SNAP91: variants seen among roughly 807,000 people sequenced by gnomAD.
SNAP91 encodes the protein clathrin coat assembly protein AP180.
A neutral mutation model predicts 100.3 loss-of-function variants in SNAP91; 27 were observed. The observed-to-expected ratio is 0.27, with a 90% CI of 0.20 to 0.37. SNAP91 has a LOEUF of 0.37. Among genes scored for constraint, SNAP91 ranks in the 10% least tolerant of loss-of-function variants. The probability of loss-of-function intolerance (pLI) is 1.00; values close to 1 mark genes in which losing one functional copy is unlikely to be tolerated. For missense variants in SNAP91, 986 were observed against 1,123.7 expected (o/e 0.88, Z 1.75); for synonymous variants, 404 against 398.6 (o/e 1.01, Z -0.16).
At chr6:83,584,358 A>T (rs2091912289) in intron 22 of SNAP91, among the ~76,000 whole-genome samples, 2 of 152,224 alleles carry the variant, frequency 1.3e-5, no homozygotes, top group South Asian at 4.1e-4. Flanking sequence ...TCTCATGGCT[A>T]GAAGAAATGA....
In SNAP91 at chr6:83,641,080, A is replaced by T. The variant is rs773017497; in HGVS notation, c.765+16T>A. 2.4e-5 allele frequency: 32 copies of T among 1,343,530 alleles called. No individual in the cohort carries two copies. The East Asian group carries it at 8.1e-4, about 34-fold the overall frequency. The allele number at this position is 1,343,530 out of a possible 1,614,324, so 83.2% of individuals were successfully genotyped here. A position where few individuals can be genotyped will look rare whatever the true frequency, so the allele number is the denominator to read the frequency against. On this transcript the variant is annotated intron_variant, in intron 8 of 29. Transcript: ENST00000369694. ...TTTAAAAAATTATATTCCCAAGAAA[A>T]CTTAATATTACTTACCTCTGCAACC...
In SNAP91 at chr6:83,662,339, A is replaced by G. The variant is rs773872318; in HGVS notation, c.349+8T>C. 3.0e-6 allele frequency: 4 copies of G among 1,355,184 alleles called. No homozygotes were observed. The Admixed American group carries it at 8.2e-5, about 28-fold the overall frequency. The allele number at this position is 1,355,184 out of a possible 1,614,324, so 83.9% of individuals were successfully genotyped here. On this transcript the variant is annotated splice_region_variant and intron_variant, in intron 4 of 29. Coordinates refer to ENST00000369694, the MANE Select transcript of SNAP91 (RefSeq NM_001242792.2). ...TGGCAAAAAATTATAAAATACAAAT[A>G]TTCTCACCATGGGATCCACTTTTGT...
At chr6:83,620,775 G>A (rs896002631) in intron 9 of SNAP91, among the ~76,000 whole-genome samples, 8 of 151,614 alleles carry the variant, frequency 5.3e-5, no homozygotes, top group Non-Finnish European at 1.0e-4. Context: ...ACAGTGGCGC[G>A]ATCTCGGCTC....
rs150380769 is a variant in SNAP91, at chr6:83,603,468, G to A, written c.1142-1869C>T. On this transcript the variant is annotated intron_variant, in intron 14 of 29. Coordinates refer to ENST00000369694, the MANE Select transcript of SNAP91 (RefSeq NM_001242792.2). ...GGACTCTTAACTACTGGGCTTAAGT[G>A]AGATTCTCATCTCAGCCTCCTCAGA... 6.1e-3 allele frequency among the ~76,000 whole-genome samples: 929 copies of A among 151,984 alleles called. 7 individuals carry two copies. Among genetic ancestry groups the A allele is most frequent in the African/African-American group, 0.022 (895 of 41,456 alleles).
At chr6:83,565,895 C>T (rs754290146) in intron 26 of SNAP91, among the ~76,000 whole-genome samples, 1 of 152,128 alleles carries the variant, frequency 6.6e-6, no homozygotes, top group Non-Finnish European at 1.5e-5. Context: ...TATGGAAACG[C>T]TTGGCAGTTC....
At chr6:83,685,712 T>C (rs1429224268) in intron 2 of SNAP91, among the ~76,000 whole-genome samples, 1 of 152,152 alleles carries the variant, frequency 6.6e-6, no homozygotes, top group African/African-American at 2.4e-5. Context: ...GTCTATCAAG[T>C]AGATCTCCCA....
intron 2 of SNAP91, among the ~76,000 whole-genome samples, chr6:83,670,452 G>A (rs1433100452): frequency 1.3e-5 from 2 of 151,318 alleles, no homozygotes; most frequent in Non-Finnish European, 3.0e-5. Flanking sequence ...TCATACATGT[G>A]ACTTGCAAAT....
At chr6:83,684,016 C>A (rs184175560) in intron 2 of SNAP91, among the ~76,000 whole-genome samples, 2 of 152,302 alleles carry the variant, frequency 1.3e-5, no homozygotes, top group Admixed American at 1.3e-4. Flanking sequence ...TTGCCTCATA[C>A]CTTTGTTTCC....
At position 83,697,324 on chromosome 6, in the gene SNAP91, GCACACACACACA is replaced by G. The variant is rs57251608; in HGVS notation, c.130+10462_130+10473del. ...GTATCCAACTCTAAAGAAAATAGCT[GCACACACACACA>G]CACACACACACACACACACACACAC... is the stretch of plus-strand genomic sequence containing the variant. On this transcript the variant is annotated intron_variant, in intron 2 of 29. Coordinates refer to ENST00000369694, the MANE Select transcript of SNAP91 (RefSeq NM_001242792.2). Among the ~76,000 whole-genome samples the G allele has an allele frequency of 9.3e-3, 1,284 of 138,144 alleles. 20 individuals are homozygous for G. Among genetic ancestry groups the G allele is most frequent in the African/African-American group, 0.031 (1,175 of 37,416 alleles). 90.6% of individuals were successfully genotyped at this position (138,144 alleles called of 152,430 possible).
chr6:83,659,875 A>G (rs1184771519), intron 5 of SNAP91, among the ~76,000 whole-genome samples: 2 of 152,262 alleles, frequency 1.3e-5, no homozygotes, highest in South Asian at 2.1e-4. Flanking sequence ...ATGCATGCTG[A>G]TAAGAACACT....
At chr6:83,690,036 G>A (rs974955882) in intron 2 of SNAP91, among the ~76,000 whole-genome samples, 32 of 149,558 alleles carry the variant, frequency 2.1e-4, no homozygotes, top group African/African-American at 6.4e-4. Flanking sequence ...TTTCCTATTC[G>A]ACCCTTTTGC....
chr6:83,629,345 GCT>G (rs1258909091), intron 8 of SNAP91, among the ~76,000 whole-genome samples: 1 of 152,016 alleles, frequency 6.6e-6, no homozygotes, highest in African/African-American at 2.4e-5. Flanking sequence ...GGCTATGTGG[GCT>G]CTTTTTTGGT....
rs1272156554 is a variant in SNAP91, at chr6:83,659,076, T to G, written c.469A>C (p.Arg157=). 1.9e-6 allele frequency: 3 copies of G among 1,598,012 alleles called. No individual in the cohort carries two copies. In the East Asian group the frequency reaches 6.7e-5, roughly 36 times the overall value. Residue 157 remains arginine (R), a synonymous_variant, in exon 6 of 30, where the codon AGG becomes CGG. Transcript: ENST00000369694. The stretch of plus-strand genomic sequence containing the variant: ...AGCAGCTTTTCGGGAGCCATTGTCC[T>G]CATTACACCATCGGCCCTACAATTA... The part of the protein sequence containing the change: ...RVKKGADGVM[R]TMAPEKLLKS...
intron 2 of SNAP91, among the ~76,000 whole-genome samples, chr6:83,699,344 T>C (rs1008574827): frequency 3.3e-5 from 5 of 151,774 alleles, no homozygotes; most frequent in Non-Finnish European, 7.4e-5. Flanking sequence ...ACATACATTA[T>C]CCAGAAAATG....
rs770073770 is a variant in SNAP91, at chr6:83,601,574, G to C, written c.1156+11C>G. ...GTCAAAATGGAAGTTTAAAAACAAA[G>C]CTTTACTCACCCTCTCCCAAAAGGT... On this transcript the variant is annotated intron_variant, in intron 15 of 29. Coordinates refer to ENST00000369694, the MANE Select transcript of SNAP91 (RefSeq NM_001242792.2). 3.8e-5 allele frequency: 61 copies of C among 1,613,246 alleles called. No individual in the cohort carries two copies. The highest frequency in any genetic ancestry group is 1.6e-4 in the Middle Eastern group (1 of 6,082).
intron 5 of SNAP91, among the ~76,000 whole-genome samples, chr6:83,659,768 T>C (rs1014367877): frequency 6.6e-6 from 1 of 151,142 alleles, no homozygotes; most frequent in Non-Finnish European, 1.5e-5. Context: ...TTTTTTTTTC[T>C]TTTTTTTTGA....
At chr6:83,562,121 T>G (rs1788833937) in intron 26 of SNAP91, among the ~76,000 whole-genome samples, 1 of 152,188 alleles carries the variant, frequency 6.6e-6, no homozygotes, top group Non-Finnish European at 1.5e-5. Context: ...TATAAAGAAT[T>G]AATACCAATT....
chr6:83,688,013 T>C (rs1047148298), intron 2 of SNAP91, among the ~76,000 whole-genome samples: 9 of 152,216 alleles, frequency 5.9e-5, no homozygotes, highest in African/African-American at 2.2e-4. Flanking sequence ...GAGCGTGAGA[T>C]ATCTAAAAAT....
chr6:83,659,767 C>CT lies in SNAP91; in HGVS notation c.453-676dup, dbSNP rs1292175912. Among the ~76,000 whole-genome samples, 73 of 149,896 alleles carry CT rather than the reference C, an allele frequency of 4.9e-4. 1 individual carries two copies. The highest frequency in any genetic ancestry group is 1.0e-3 in the African/African-American group (42 of 40,890). On this transcript the variant is annotated intron_variant, in intron 5 of 29. Transcript: ENST00000369694. ...CTTTCAAAAAAGCCAGTTTTTTTTT[C>CT]TTTTTTTTTGAGAAAGAGAAAACAT...
Sources: allele counts gnomAD v4.1 joint callset (sites outside exome capture counted in the v4.1 genomes callset), GRCh38; gene constraint gnomAD v4.1.1; transcripts MANE v1.5; gene names NCBI Gene and HGNC (gene_info 2026-07-23, HGNC 2026-07-21).